TENM2: variants seen among roughly 807,000 people sequenced by gnomAD.
TENM2 encodes the protein teneurin-2.
Under a neutral mutation model 245.2 loss-of-function variants are expected in TENM2, and 52 were observed. That is an observed-to-expected ratio of 0.21 (90% CI 0.17 to 0.27). The LOEUF (loss-of-function observed/expected upper bound fraction) is 0.27. TENM2 is among the 10% of genes least tolerant of loss of function. The pLI is 1.00. For synonymous variants in TENM2, 1,363 were observed against 1,438.9 expected, an observed-to-expected ratio of 0.95 and a Z score of 1.19; for missense variants, 3,046 against 3,666.8, an observed-to-expected ratio of 0.83 and a Z score of 4.37.
chr5:167,175,742 C>G, the TENM2 span, among the ~76,000 whole-genome samples: 1 of 152,190 alleles, frequency 6.6e-6, no homozygotes, highest in African/African-American at 2.4e-5. Context: ...GAGTCTCACT[C>G]TGTTGCCCAG....
chr5:166,992,080 T>C, the TENM2 span, among the ~76,000 whole-genome samples: 1 of 151,966 alleles, frequency 6.6e-6, no homozygotes, highest in South Asian at 2.1e-4. Context: ...TTTTTTACTA[T>C]TAAGAAGAGC....
At chr5:168,118,513 C>T (rs778562326) in intron 10 of TENM2, 27 bp downstream of exon 12, 1 of 1,482,480 alleles carries the variant, frequency 6.7e-7, no homozygotes, top group South Asian at 1.4e-5. Context: ...CGGGGCTAGG[C>T]AGCAGTGGAG....
At chr5:167,582,965 T>C (rs1775198411) in intron 2 of TENM2, among the ~76,000 whole-genome samples, 1 of 152,202 alleles carries the variant, frequency 6.6e-6, no homozygotes, top group African/African-American at 2.4e-5. Flanking sequence ...TAGAAAATTG[T>C]GATTTATTTT....
intron 2 of TENM2, among the ~76,000 whole-genome samples, chr5:167,445,334 T>TAGGGAGAGAGAGAGAGAGAGAGAG (rs1380778783): frequency 5.8e-5 from 5 of 86,328 alleles, no homozygotes; most frequent in African/African-American, 1.4e-4. Context: ...TATATATATA[T>TAGGGAGAGAGAGAGAGAGAGAGAG]ATAGAGAGAG....
intron 5 of TENM2, among the ~76,000 whole-genome samples, chr5:168,026,973 G>A (rs1381692907): frequency 6.6e-6 from 1 of 152,082 alleles, no homozygotes; most frequent in East Asian, 1.9e-4. Flanking sequence ...CATGAAATAA[G>A]AATATCAAAT....
chr5:167,548,006 T>G (rs1582355780), intron 2 of TENM2, among the ~76,000 whole-genome samples: 1 of 152,322 alleles, frequency 6.6e-6, no homozygotes, highest in South Asian at 2.1e-4. Flanking sequence ...TAAAACAGGT[T>G]AAAGGAATAA....
At chr5:167,386,554 A>C (rs1761443429) in intron 2 of TENM2, among the ~76,000 whole-genome samples, 1 of 151,852 alleles carries the variant, frequency 6.6e-6, no homozygotes, top group Non-Finnish European at 1.5e-5. Flanking sequence ...TTTTTATTGC[A>C]TTTGCTTTTG....
At chr5:167,564,349 G>C (rs956329395) in intron 2 of TENM2, among the ~76,000 whole-genome samples, 3 of 151,912 alleles carry the variant, frequency 2.0e-5, no homozygotes, top group African/African-American at 7.3e-5. Context: ...GTGAGGGAGA[G>C]ATTAGTGGAG....
At chr5:167,073,246 A>C in the TENM2 span, among the ~76,000 whole-genome samples, 1 of 152,110 alleles carries the variant, frequency 6.6e-6, no homozygotes, top group African/African-American at 2.4e-5. Flanking sequence ...TAACAGTTAC[A>C]TCCAGCTTTT....
At chr5:167,924,157 A>G (rs1777574849) in intron 3 of TENM2, among the ~76,000 whole-genome samples, 1 of 152,180 alleles carries the variant, frequency 6.6e-6, no homozygotes, top group Admixed American at 6.5e-5. Flanking sequence ...GTCTCCCCAC[A>G]TCCAAACATC....
intron 27 of TENM2, among the ~76,000 whole-genome samples, chr5:168,258,942 G>A (rs926093814): frequency 6.6e-6 from 1 of 152,082 alleles, no homozygotes; most frequent in Admixed American, 6.6e-5. Context: ...TAGCACTTTG[G>A]GAGGCCAAGG....
intron 2 of TENM2, among the ~76,000 whole-genome samples, chr5:167,418,218 A>G (rs933059256): frequency 6.6e-5 from 10 of 151,988 alleles, no homozygotes; most frequent in African/African-American, 2.4e-4. Context: ...AATCCCAGCT[A>G]CTTGGGAGGC....
chr5:168,163,109 G>T (rs1425957498), intron 13 of TENM2, among the ~76,000 whole-genome samples: 1 of 152,202 alleles, frequency 6.6e-6, no homozygotes, highest in East Asian at 1.9e-4. Context: ...TATGCCTAAC[G>T]CACAAAGCTG....
At chr5:167,367,918 C>A (rs971214172) in intron 1 of TENM2, among the ~76,000 whole-genome samples, 1 of 151,948 alleles carries the variant, frequency 6.6e-6, no homozygotes, top group Non-Finnish European at 1.5e-5. Context: ...AGTACTATAA[C>A]GTTATAATAT....
intron 2 of TENM2, among the ~76,000 whole-genome samples, chr5:167,841,133 T>A (rs995582298): frequency 3.9e-5 from 6 of 151,952 alleles, no homozygotes; most frequent in Non-Finnish European, 8.8e-5. Flanking sequence ...CTCAGCTCAC[T>A]GCAACCTCCA....
chr5:168,147,643 C>G (rs1756218136), intron 12 of TENM2, among the ~76,000 whole-genome samples: 1 of 152,176 alleles, frequency 6.6e-6, no homozygotes, highest in Non-Finnish European at 1.5e-5. Flanking sequence ...TTGTGTGCAG[C>G]CAGGATTCTC....
intron 1 of TENM2, among the ~76,000 whole-genome samples, chr5:167,293,716 C>T (rs937052185): frequency 6.6e-6 from 1 of 152,090 alleles, no homozygotes; most frequent in Non-Finnish European, 1.5e-5. Flanking sequence ...AGTTCAGGTT[C>T]TTCTGGAATG....
chr5:167,635,691 A>G (rs113060441), intron 2 of TENM2, among the ~76,000 whole-genome samples: 1 of 125,594 alleles, frequency 8.0e-6, no homozygotes, highest in African/African-American at 3.3e-5. Flanking sequence ...GTCGCCCAGG[A>G]TGGAGTGCAA....
chr5:167,188,822 G>A, the TENM2 span, among the ~76,000 whole-genome samples: 12 of 152,050 alleles, frequency 7.9e-5, no homozygotes, highest in African/African-American at 2.7e-4. Flanking sequence ...AAATTTGGAC[G>A]ATCGAGACAA....
Sources: gnomAD v4.1 joint callset for allele counts (sites outside exome capture counted in the v4.1 genomes callset) on GRCh38, gnomAD v4.1.1 for gene constraint, MANE v1.5 for transcripts, NCBI Gene and HGNC (gene_info 2026-07-23, HGNC 2026-07-21) for gene names.